The following RFTN1 variants were observed in gnomAD, a reference collection of about 807,000 sequenced individuals.
RFTN1 encodes the protein raftlin.
In RFTN1, 26 loss-of-function variants were observed where a neutral mutation model predicts 46.5. The ratio of observed to expected loss-of-function variants is 0.56; its 90% CI spans 0.41 to 0.78. The LOEUF is 0.78. Ranked by LOEUF, RFTN1 falls within the 30% of genes least tolerant of loss-of-function variation. The probability of loss-of-function intolerance (pLI) is 0.00; values close to 1 mark genes in which losing one functional copy is unlikely to be tolerated. For missense variants in RFTN1, 693 were observed against 718.7 expected, an observed-to-expected ratio of 0.96 and a Z score of 0.41; for synonymous variants, 261 against 284.2, an observed-to-expected ratio of 0.92 and a Z score of 0.82.
chr3:16,483,366 G>A lies in RFTN1; in HGVS notation c.145+10359C>T. Among the ~76,000 whole-genome samples, 1 of 151,910 alleles carries A rather than the reference G, an allele frequency of 6.6e-6. No homozygotes were observed. The highest frequency in any genetic ancestry group is 1.5e-5 in the Non-Finnish European group (1 of 67,988). On this transcript the variant is annotated intron_variant, in intron 2 of 9. Transcript: ENST00000334133. The surrounding 1 kb of genome is among the most constrained non-coding windows in gnomAD (Gnocchi z 4.8). ...CTGTAAAGCACCCCCCTCCCTCCCA[G>A]AACCTGCAGGCACCAGCAGCCAGGT...
intron 9 of RFTN1, 66 bp downstream of exon 9, chr3:16,323,310 G>C (rs773711908): frequency 4.8e-5 from 59 of 1,233,100 alleles, no homozygotes; most frequent in Non-Finnish European, 6.2e-5. Flanking sequence ...CTCAAATGCT[G>C]CAGAAAATCC....
chr3:16,323,228 T>G, intron 9 of RFTN1, 148 bp downstream of exon 9: 1 of 622,662 alleles, frequency 1.6e-6, no homozygotes. Flanking sequence ...GCCTGAGATG[T>G]GATTCGGGTT....
rs2068495014 is a variant in RFTN1 at position 16,317,158 on chromosome 3, T to C, written c.1407A>G (p.Arg469=). 6.2e-7 allele frequency: 1 copy of C among 1,613,752 alleles called. No homozygotes were observed. Among genetic ancestry groups the C allele is most frequent in the African/African-American group, 1.3e-5 (1 of 74,956 alleles). ...MRKSKGKLSA[R]DKQQAEENEK... ...CATTTTCTTCTGCTTGTTGTTTGTC[T>C]CTGGCACTGAGTTTACCTTTTGATT... The change falls in exon 10 of 10, where the codon AGA becomes AGG. Residue 469 remains arginine, a synonymous_variant. Coordinates refer to ENST00000334133, the MANE Select transcript of RFTN1 (RefSeq NM_015150.2). This position sits in a 1 kb window ranked among gnomAD's most constrained non-coding sequence, Gnocchi z 4.3.
chr3:16,341,710 A>G lies in RFTN1; in HGVS notation c.1147-14834T>C, dbSNP rs1042644001. Among the ~76,000 whole-genome samples the G allele has an allele frequency of 6.6e-6, 1 of 152,212 alleles. No homozygotes were observed. Among genetic ancestry groups the G allele is most frequent in the Non-Finnish European group, 1.5e-5 (1 of 68,030 alleles). ...AGAAAATTGAAGTCAGCAAAAACCCACCAATGGAAAACTAATTAAATAAAT... is the reference window on the plus strand; with the variant it reads ...AGAAAATTGAAGTCAGCAAAAACCCGCCAATGGAAAACTAATTAAATAAAT... On this transcript the variant is annotated intron_variant, in intron 7 of 9. Transcript: ENST00000334133. This position sits in a 1 kb window ranked among gnomAD's most constrained non-coding sequence, Gnocchi z 4.7.
chr3:16,482,631 T>G, intron 2 of RFTN1: 2 of 941,442 alleles, frequency 2.1e-6, no homozygotes. Context: ...CACTGAGCCT[T>G]GTTTCCTCAT....
At chr3:16,444,981 G>A (rs1228565953) in intron 2 of RFTN1, among the ~76,000 whole-genome samples, 2 of 152,162 alleles carry the variant, frequency 1.3e-5, no homozygotes, top group Middle Eastern at 3.2e-3. Context: ...GTTTGGTAAT[G>A]TTTTTGTGAC....
intron 4 of RFTN1, among the ~76,000 whole-genome samples, chr3:16,401,494 G>A (rs1164678675): frequency 6.6e-6 from 1 of 151,808 alleles, no homozygotes; most frequent in Non-Finnish European, 1.5e-5. Flanking sequence ...GCCAAACCCG[G>A]TGGGCCCCTC....
rs2070755545 is a variant in RFTN1, at chr3:16,335,513, A to G, written c.1147-8637T>C. 6.6e-6 allele frequency among the ~76,000 whole-genome samples: 1 copy of G among 152,230 alleles called. No individual in the cohort carries two copies. The highest frequency in any genetic ancestry group is 2.4e-5 in the African/African-American group (1 of 41,456). On this transcript the variant is annotated intron_variant, in intron 7 of 9. Coordinates refer to ENST00000334133, the MANE Select transcript of RFTN1 (RefSeq NM_015150.2). This position sits in a 1 kb window ranked among gnomAD's most constrained non-coding sequence, Gnocchi z 4.7. The stretch of plus-strand genomic sequence containing the variant: ...ATCCTTAGCAAACTAACGCAGGAAC[A>G]GAAAATCAAACACCACATGTTCTCA...
rs1415163002 is a variant in RFTN1, at chr3:16,344,918, C to A, written c.1146+13014G>T. 6.6e-6 allele frequency among the ~76,000 whole-genome samples: 1 copy of A among 152,228 alleles called. No homozygotes were observed. The highest frequency in any genetic ancestry group is 2.1e-4 in the South Asian group (1 of 4,828). On this transcript the variant is annotated intron_variant, in intron 7 of 9. Transcript: ENST00000334133. The surrounding 1 kb of genome is among the most constrained non-coding windows in gnomAD (Gnocchi z 4.4). The stretch of plus-strand genomic sequence containing the variant: ...CACTGATTTAATATACTTCAGTTCT[C>A]TCTGGAGAACCATTTGCCCTCTCTT...
intron 3 of RFTN1, among the ~76,000 whole-genome samples, chr3:16,432,354 C>T (rs926245040): frequency 1.3e-5 from 2 of 151,956 alleles, no homozygotes; most frequent in Non-Finnish European, 2.9e-5. Context: ...CCGGTCTCTA[C>T]CCAAAATAAA....
rs2075605042 is a variant in RFTN1, at chr3:16,440,739, CA to C, written c.146-6703del. Among the ~76,000 whole-genome samples the C allele has an allele frequency of 1.3e-5, 2 of 152,094 alleles. No individual in the cohort carries two copies. The highest frequency in any genetic ancestry group is 2.9e-5 in the Non-Finnish European group (2 of 68,016). On this transcript the variant is annotated intron_variant, in intron 2 of 9. Transcript: ENST00000334133. This position sits in a 1 kb window ranked among gnomAD's most constrained non-coding sequence, Gnocchi z 4.6. ...CTTCTAACTCTTACTTTCAAGAAGT[CA>C]GAAATCTTAATCTTCCTAATCTTTA...
At chr3:16,391,443 A>G (rs1056764189) in intron 4 of RFTN1, among the ~76,000 whole-genome samples, 5 of 152,242 alleles carry the variant, frequency 3.3e-5, no homozygotes, top group African/African-American at 1.2e-4. Context: ...GATCCCACAA[A>G]TGAATCATTT....
chr3:16,381,053 A>G lies in RFTN1; in HGVS notation c.442-2951T>C, dbSNP rs1050744851. ...AATAGGATCCCCAACCCTCAAGAAG[A>G]TTTGACCAATTATTACGAACAGAGT... On this transcript the variant is annotated intron_variant, in intron 4 of 9. Coordinates refer to ENST00000334133, the MANE Select transcript of RFTN1 (RefSeq NM_015150.2). The surrounding 1 kb of genome is among the most constrained non-coding windows in gnomAD (Gnocchi z 4.2). 2.0e-5 allele frequency among the ~76,000 whole-genome samples: 3 copies of G among 152,346 alleles called. No individual in the cohort carries two copies. Among genetic ancestry groups the G allele is most frequent in the African/African-American group, 7.2e-5 (3 of 41,580 alleles).
At chr3:16,493,593 T>G in intron 2 of RFTN1, 132 bp downstream of exon 2, 7 of 825,670 alleles carry the variant, frequency 8.5e-6, no homozygotes, top group Admixed American at 2.5e-5. Context: ...AGCCGCCCCC[T>G]TGAGACAGGC....
rs373558991 is a variant in RFTN1 at position 16,500,091 on chromosome 3, T to C, written c.-8-6214A>G. ...AATCATGCCCAGCGGTGCTATTCAC[T>C]GACTTTTTCTCTGGTTGTTGCTTGT... On this transcript the variant is annotated intron_variant, in intron 1 of 9. Transcript: ENST00000334133. The surrounding 1 kb of genome is among the most constrained non-coding windows in gnomAD (Gnocchi z 5.9). Among the ~76,000 whole-genome samples the C allele has an allele frequency of 7.2e-5, 11 of 152,376 alleles. No individual in the cohort carries two copies. Among genetic ancestry groups the C allele is most frequent in the East Asian group, 3.9e-4 (2 of 5,190 alleles).
At chr3:16,488,732 C>T (rs1196206487) in intron 2 of RFTN1, among the ~76,000 whole-genome samples, 1 of 152,220 alleles carries the variant, frequency 6.6e-6, no homozygotes, top group Non-Finnish European at 1.5e-5. Flanking sequence ...CTTCCCCCAA[C>T]CACTTCCTAG....
rs527312207 is a variant in RFTN1 at position 16,382,727 on chromosome 3, C to G, written c.442-4625G>C. Among the ~76,000 whole-genome samples the G allele has an allele frequency of 6.6e-6, 1 of 152,296 alleles. No homozygotes were observed. The highest frequency in any genetic ancestry group is 1.9e-4 in the East Asian group (1 of 5,182). On this transcript the variant is annotated intron_variant, in intron 4 of 9. Coordinates refer to ENST00000334133, the MANE Select transcript of RFTN1 (RefSeq NM_015150.2). The surrounding 1 kb of genome is among the most constrained non-coding windows in gnomAD (Gnocchi z 4.7). The stretch of plus-strand genomic sequence containing the variant: ...GTTTCTAATCCTGTGTGTCTGTTCA[C>G]CACACCCTACCACATTTATCCCCCA...
In RFTN1 at chr3:16,465,455, C is replaced by CA. The variant is rs57332941; in HGVS notation, c.145+28269_145+28270insT. ...ACACACACACACACACACACACACA[C>CA]CCCATGCCTGATTAAACAAAATAAT... On this transcript the variant is annotated intron_variant, in intron 2 of 9. Transcript: ENST00000334133. The surrounding 1 kb of genome is among the most constrained non-coding windows in gnomAD (Gnocchi z 5.1). 4.8e-5 allele frequency among the ~76,000 whole-genome samples: 7 copies of CA among 146,406 alleles called. No homozygotes were observed. Among genetic ancestry groups the CA allele is most frequent in the East Asian group, 3.9e-4 (2 of 5,124 alleles).
rs751785748 is a variant in RFTN1, at chr3:16,353,661, T to A, written c.1146+4271A>T. Among the ~76,000 whole-genome samples the A allele has an allele frequency of 1.3e-5, 2 of 152,102 alleles. No homozygotes were observed. Among genetic ancestry groups the A allele is most frequent in the Non-Finnish European group, 2.9e-5 (2 of 68,020 alleles). On this transcript the variant is annotated intron_variant, in intron 7 of 9. Transcript: ENST00000334133. The surrounding 1 kb of genome is among the most constrained non-coding windows in gnomAD (Gnocchi z 5.4). ...TTTGGAGATGGGGCCTCTACAGAAG[T>A]AATTAAGGTTAAATGAAGTCATACG...
Sources: allele counts gnomAD v4.1 joint callset (sites outside exome capture counted in the v4.1 genomes callset), GRCh38; gene constraint gnomAD v4.1.1; non-coding constraint Gnocchi (gnomAD v3.1); transcripts MANE v1.5; gene names NCBI Gene and HGNC (gene_info 2026-07-23, HGNC 2026-07-21).